Variants in SCRIB observed in about 807,000 individuals in gnomAD.
The protein encoded by SCRIB is scribble planar cell polarity protein.
In SCRIB, 72 loss-of-function variants were observed where a neutral mutation model predicts 170.0. That is an observed-to-expected ratio of 0.42 (90% CI 0.35 to 0.52). SCRIB has a LOEUF of 0.52. Ranked by LOEUF, SCRIB falls within the 20% of genes least tolerant of loss-of-function variation. The pLI, the probability that SCRIB is intolerant of heterozygous loss-of-function variation, is 0.02. For missense variants in SCRIB, 2,475 were observed against 2,338.5 expected (o/e 1.06, Z -1.20); for synonymous variants, 1,298 against 1,044.3 (o/e 1.24, Z -4.68).
intron 15 of SCRIB, among the ~76,000 whole-genome samples, chr8:143,808,368 T>C (rs529661527): frequency 1.3e-4 from 18 of 142,474 alleles, no homozygotes; most frequent in African/African-American, 4.2e-4. Flanking sequence ...GGTCCAAGCA[T>C]GGACTGAGAC....
In SCRIB at chr8:143,792,245, T is replaced by G. The variant is rs782585763; in HGVS notation, c.4489A>C (p.Lys1497Gln). 2 of 1,573,796 alleles carry G rather than the reference T, an allele frequency of 1.3e-6. No homozygotes were observed. The highest frequency in any genetic ancestry group is 1.7e-6 in the Non-Finnish European group (2 of 1,166,954). Residue 1497 changes from lysine to glutamine, a missense_variant, in exon 32 of 37, where the codon AAG becomes CAG. Around this residue, in one of 3 missense-constraint regions of SCRIB, gnomAD observed 1,966 missense variants for 1,742.9 expected, o/e 1.13. Coordinates refer to ENST00000356994, the MANE Select transcript of SCRIB (RefSeq NM_182706.5). ...PAELRALEAE[K>Q]RALWRAARMK... is the part of the protein sequence containing the mutation. Reference sequence around the variant, plus strand: ...CTGGCTGCCCTCCACAGCGCACGCTTCTCGGCCTCCAGGGCCCGGAGCTCG... The same window carrying G: ...CTGGCTGCCCTCCACAGCGCACGCTGCTCGGCCTCCAGGGCCCGGAGCTCG...
In SCRIB at chr8:143,803,582, A is replaced by G; in HGVS notation, c.3415-11T>C. 7.1e-7 allele frequency: 1 copy of G among 1,405,484 alleles called. No individual in the cohort carries two copies. Among genetic ancestry groups the G allele is most frequent in the Non-Finnish European group, 9.4e-7 (1 of 1,058,508 alleles). 87.1% of individuals were successfully genotyped at this position (1,405,484 alleles called of 1,614,324 possible). A position where few individuals can be genotyped will look rare whatever the true frequency, so the allele number is the denominator to read the frequency against. ...CCCCGTGGGGCTCACCTGTGGGGAG[A>G]CGTGGTATGGGAGAGACCTGTTGGG... On this transcript the variant is annotated splice_polypyrimidine_tract_variant and intron_variant, in intron 23 of 36. Transcript: ENST00000356994.
Position 143,808,619 on chromosome 8 carries a change from G to A in SCRIB, c.2105C>T (p.Pro702Leu), listed in dbSNP as rs199779632. The change falls in exon 15 of 37, where the codon CCC (proline) becomes CTC (leucine). Residue 702 changes from proline (P) to leucine (L), a missense_variant. Around this residue, in one of 3 missense-constraint regions of SCRIB, gnomAD observed 1,966 missense variants for 1,742.9 expected, o/e 1.13. Coordinates refer to ENST00000356994, the MANE Select transcript of SCRIB (RefSeq NM_182706.5). ...GAGGCTGACACCAACCTTGACAGAGGGCGCAGAAACCACGGCCCCCTCCTT... is the reference window on the plus strand; with the variant it reads ...GAGGCTGACACCAACCTTGACAGAGAGCGCAGAAACCACGGCCCCCTCCTT... ...EDKEGAVVSA[P>L]SVKGVSFDQA... 109 of 1,510,252 alleles carry A rather than the reference G, an allele frequency of 7.2e-5. No homozygotes were observed. The highest frequency in any genetic ancestry group is 3.0e-4 in the Admixed American group (13 of 43,300). The allele number at this position is 1,510,252 out of a possible 1,614,324, so 93.6% of individuals were successfully genotyped here. A position where few individuals can be genotyped will look rare whatever the true frequency, so the allele number is the denominator to read the frequency against.
chr8:143,807,057 G>A (rs1309891511), intron 16 of SCRIB, 44 bp from the exon 17 acceptor site: 9 of 1,389,898 alleles, frequency 6.5e-6, no homozygotes, highest in Non-Finnish European at 9.1e-6. Flanking sequence ...CCGCAGTGGG[G>A]CTGCCTGTGC....
In SCRIB at chr8:143,815,586, G is replaced by T. The variant is rs1816057551; in HGVS notation, c.-214C>A. ...CGGGCCTGGGCAGGGGGCGCGGCCC[G>T]GCGGGTCTCAGACTCTTAGGAAGCG... On this transcript the variant is annotated 5_prime_UTR_variant, in exon 1 of 37. Coordinates refer to ENST00000356994, the MANE Select transcript of SCRIB (RefSeq NM_182706.5). 3.1e-6 allele frequency: 3 copies of T among 981,834 alleles called. No homozygotes were observed. The highest frequency in any genetic ancestry group is 3.6e-6 in the Non-Finnish European group (3 of 828,476). 60.8% of individuals were successfully genotyped at this position (981,834 alleles called of 1,614,324 possible).
intron 14 of SCRIB, 70 bp from the exon 15 acceptor site, chr8:143,809,095 C>G (rs1815578808): frequency 6.5e-7 from 1 of 1,529,994 alleles, no homozygotes; most frequent in Non-Finnish European, 8.8e-7. Context: ...CCCTACTAAA[C>G]AGTGTGGCCA....
At position 143,792,102 on chromosome 8, in the gene SCRIB, C is replaced by T. The variant is rs781816612; in HGVS notation, c.4546G>A (p.Ala1516Thr). 66 of 1,588,712 alleles carry T rather than the reference C, an allele frequency of 4.2e-5. No individual in the cohort carries two copies. Among genetic ancestry groups the T allele is most frequent in the Non-Finnish European group, 5.5e-5 (65 of 1,174,304 alleles). ...TGGGACCTGCTGAGGACCATCTGTG[C>T]TCGGAGAGCGTCCTGTTCCAATGAC... ...MKSLEQDALR[A>T]QMVLSRSQEG... Residue 1516 changes from alanine to threonine, a missense_variant, in exon 33 of 37, where the codon GCA becomes ACA. By Grantham distance (58) the Ala-to-Thr change is moderately conservative. Transcript: ENST00000356994.
Position 143,813,827 on chromosome 8 carries a change from G to A in SCRIB, c.347C>T (p.Pro116Leu). The change falls in exon 3 of 37, where the codon CCC becomes CTC. Residue 116 changes from proline (P) to leucine (L), a missense_variant. Physicochemically the swap from Pro to Leu is moderately conservative, Grantham distance 98. This residue lies in a region of SCRIB where 487 missense variants were observed against 558.1 expected (regional missense o/e 0.87). Coordinates refer to ENST00000356994, the MANE Select transcript of SCRIB (RefSeq NM_182706.5). Reference protein sequence around the residue: ...ALEIADFSGNPLSRLPDGFTQ... With the variant: ...ALEIADFSGNLLSRLPDGFTQ... ...ACAGGCTGCCACCCACCTGGAGAGG[G>A]GGTTCCCGCTGAAGTCCGCGATCTC... 3 of 1,609,424 alleles carry A rather than the reference G, an allele frequency of 1.9e-6. No individual in the cohort carries two copies. Among genetic ancestry groups the A allele is most frequent in the Non-Finnish European group, 2.5e-6 (3 of 1,177,240 alleles).
In SCRIB at chr8:143,791,709, G is replaced by C. The variant is rs782006464; in HGVS notation, c.4727C>G (p.Ala1576Gly). Residue 1576 changes from alanine to glycine, a missense_variant, in exon 35 of 37, where the codon GCC becomes GGC. Transcript: ENST00000356994. ...TCTGGAAGAAGGCAGGGCCGCAAAG[G>C]CCCTGTAGTCAAACTTCTTTCCAGA... ...PLSGKKFDYRAFAALPSSRPV... is the reference protein window; with the variant it reads ...PLSGKKFDYRGFAALPSSRPV... The C allele has an allele frequency of 6.2e-7, 1 of 1,603,472 alleles. No individual in the cohort carries two copies. Among genetic ancestry groups the C allele is most frequent in the Non-Finnish European group, 8.5e-7 (1 of 1,172,234 alleles).
intron 26 of SCRIB, 53 bp downstream of exon 26, chr8:143,795,224 T>C: frequency 6.2e-7 from 1 of 1,609,012 alleles, no homozygotes; most frequent in South Asian, 1.1e-5. Context: ...CCACAGGCAA[T>C]GTGCACCCCG....
chr8:143,796,441 A>T (rs1041859434), intron 24 of SCRIB, among the ~76,000 whole-genome samples: 1 of 152,150 alleles, frequency 6.6e-6, no homozygotes, highest in African/African-American at 2.4e-5. Flanking sequence ...AATGGTAAGT[A>T]AGGGGCAGGC....
chr8:143,809,339 C>T (rs535545187), intron 14 of SCRIB, among the ~76,000 whole-genome samples: 1 of 152,194 alleles, frequency 6.6e-6, no homozygotes, highest in Admixed American at 6.5e-5. Context: ...TCAGGGGAGA[C>T]CTTAACCCCA....
chr8:143,807,714 A>G, intron 15 of SCRIB, 100 bp from the exon 16 acceptor site: 1 of 973,474 alleles, frequency 1.0e-6, no homozygotes, highest in Admixed American at 1.7e-5. Context: ...GACAGAGGAG[A>G]CCACAGCAAG....
chr8:143,811,426 C>CA, intron 9 of SCRIB, 81 bp from the exon 10 acceptor site: 1 of 1,285,860 alleles, frequency 7.8e-7, no homozygotes, highest in South Asian at 1.3e-5. Context: ...CAGGAGGGCA[C>CA]AGACACCCCA....
rs1815290007 is a variant in SCRIB, at chr8:143,803,940, C to T, written c.3121G>A (p.Val1041Met). ...VQEPGVFISK[V>M]LPRGLAARSG... ...CGAGCGGCCAGGCCCCGCGGGAGCA[C>T]CTGTCAGGGAGGAGGGTGGCAGCTG... The change falls in exon 23 of 37, where the codon GTG becomes ATG. Residue 1041 changes from valine (V) to methionine (M), a missense_variant and splice_region_variant. Coordinates refer to ENST00000356994, the MANE Select transcript of SCRIB (RefSeq NM_182706.5). The T allele has an allele frequency of 2.5e-6, 4 of 1,578,434 alleles. No individual in the cohort carries two copies. Among genetic ancestry groups the T allele is most frequent in the South Asian group, 1.1e-5 (1 of 87,590 alleles).
At chr8:143,810,371 C>A in intron 13 of SCRIB, 108 bp downstream of exon 13, 1 of 1,472,108 alleles carries the variant, frequency 6.8e-7, no homozygotes, top group South Asian at 1.3e-5. Flanking sequence ...TCATCTCCTG[C>A]TCCTTCTCTG....
In SCRIB at chr8:143,803,433, T is replaced by C. The variant is rs1449891308; in HGVS notation, c.3553A>G (p.Thr1185Ala). 4 of 1,595,976 alleles carry C rather than the reference T, an allele frequency of 2.5e-6. No homozygotes were observed. In the East Asian group the frequency reaches 9.0e-5, roughly 36 times the overall value. ...TCAAAGCCGTCACAGACCAGCACGG[T>C]GAGGGTGTCGCCCACACTGCGGAGC... ...QLLRSVGDTL[T>A]VLVCDGFEAS... The change falls in exon 24 of 37, where the codon ACC (threonine) becomes GCC (alanine). Residue 1185 changes from threonine to alanine, a missense_variant. This residue lies in a region of SCRIB where 1,966 missense variants were observed against 1,742.9 expected (regional missense o/e 1.13). Transcript: ENST00000356994.
Position 143,791,735 on chromosome 8 carries a change from CAAGGGCTTGA to C in SCRIB, c.4696-5_4700del. ...CCCTGTAGTCAAACTTCTTTCCAGA[CAAGGGCTTGA>C]AAGGACAGCGTGAGGGGAGAGGCAG... On this transcript the variant is annotated splice_acceptor_variant and splice_polypyrimidine_tract_variant and coding_sequence_variant and intron_variant, in exon 35 of 37. Coordinates refer to ENST00000356994, the MANE Select transcript of SCRIB (RefSeq NM_182706.5). LOFTEE classifies it high-confidence loss of function. 1 of 1,591,308 alleles carries C rather than the reference CAAGGGCTTGA, an allele frequency of 6.3e-7. No homozygotes were observed. The highest frequency in any genetic ancestry group is 8.6e-7 in the Non-Finnish European group (1 of 1,166,604).
At chr8:143,811,547 C>T (rs1815722424) in intron 9 of SCRIB, among the ~76,000 whole-genome samples, 7 of 152,160 alleles carry the variant, frequency 4.6e-5, no homozygotes, top group Admixed American at 4.6e-4. Context: ...GCTCTGCCCA[C>T]TGCCCTCAGC....
Sources: allele counts gnomAD v4.1 joint callset (sites outside exome capture counted in the v4.1 genomes callset), GRCh38; gene constraint gnomAD v4.1.1; regional missense constraint gnomAD v4.1.1; transcripts MANE v1.5; gene names NCBI Gene and HGNC (gene_info 2026-07-23, HGNC 2026-07-21).